Variants in DNMT1 observed in about 807,000 individuals in gnomAD.
DNMT1 encodes the protein DNA (cytosine-5)-methyltransferase 1.
In DNMT1, 24 loss-of-function variants were observed where a neutral mutation model predicts 205.3. The observed-to-expected ratio is 0.12, with a 90% CI of 0.08 to 0.16. The LOEUF (loss-of-function observed/expected upper bound fraction) is 0.16. Ranked by LOEUF, DNMT1 falls within the 10% of genes least tolerant of loss-of-function variation. The pLI is 1.00. For missense variants in DNMT1, 1,293 were observed against 2,177.7 expected, an observed-to-expected ratio of 0.59 and a Z score of 8.09; for synonymous variants, 817 against 839.8, an observed-to-expected ratio of 0.97 and a Z score of 0.47.
chr19:10,155,174 CA>C, intron 19 of DNMT1, 118 bp from the exon 20 acceptor site: 1 of 1,362,216 alleles, frequency 7.3e-7, no homozygotes, highest in South Asian at 1.3e-5. Flanking sequence ...ATCCCGTACC[CA>C]AATGTCAGAA....
chr19:10,163,048 T>C (rs1317604749), intron 12 of DNMT1: 19 of 507,688 alleles, frequency 3.7e-5, no homozygotes, highest in Non-Finnish European at 6.3e-5. Flanking sequence ...CACTGCAACC[T>C]CCACCTCCTG....
chr19:10,147,884 C>T (rs746162219), intron 27 of DNMT1, among the ~76,000 whole-genome samples: 10 of 151,714 alleles, frequency 6.6e-5, no homozygotes, highest in Admixed American at 1.3e-4. Flanking sequence ...GAAGCCGAAG[C>T]GGGTAGATCA....
In DNMT1 at chr19:10,175,112, CACACACACACACACACAT is replaced by C. The variant is rs1330850088; in HGVS notation, c.648+410_648+427del. Among the ~76,000 whole-genome samples, 13 of 138,226 alleles carry C rather than the reference CACACACACACACACACAT, an allele frequency of 9.4e-5. No homozygotes were observed. The East Asian group carries it at 9.6e-4, about 10-fold the overall frequency. 90.7% of individuals were successfully genotyped at this position (138,226 alleles called of 152,430 possible). A position where few individuals can be genotyped will look rare whatever the true frequency, so the allele number is the denominator to read the frequency against. ...ACACACACACACACACACACACACA[CACACACACACACACACAT>C]ATATATAACATGTATGTATGTAAGA... is the stretch of plus-strand genomic sequence containing the variant. On this transcript the variant is annotated intron_variant, in intron 7 of 40. Transcript: ENST00000359526.
chr19:10,141,067 G>C (rs1201072514), intron 31 of DNMT1, 38 bp downstream of exon 31: 1 of 1,612,330 alleles, frequency 6.2e-7, no homozygotes, highest in African/African-American at 1.3e-5. Flanking sequence ...CCAAGTTACA[G>C]AAGAATAACT....
At chr19:10,168,858 G>A (rs2038746173) in intron 9 of DNMT1, among the ~76,000 whole-genome samples, 1 of 152,168 alleles carries the variant, frequency 6.6e-6, no homozygotes, top group Non-Finnish European at 1.5e-5. Flanking sequence ...TTATTTATGA[G>A]ACGGAGTCTC....
intron 7 of DNMT1, among the ~76,000 whole-genome samples, chr19:10,175,241 T>C (rs2038917030): frequency 1.3e-5 from 2 of 151,960 alleles, no homozygotes; most frequent in South Asian, 4.2e-4. Flanking sequence ...GCTTTCACAA[T>C]CTTGTGAGCC....
chr19:10,135,229 A>AG (rs1555687354), intron 39 of DNMT1, among the ~76,000 whole-genome samples: 49 of 150,452 alleles, frequency 3.3e-4, no homozygotes, highest in Middle Eastern at 3.4e-3. Context: ...AAAAAAAAAA[A>AG]AGAGAGAGTG....
Position 10,180,205 on chromosome 19 carries a change from G to T in DNMT1, c.475C>A (p.Gln159Lys). The change falls in exon 5 of 41, where the codon CAA becomes AAA. Residue 159 changes from glutamine (Q) to lysine (K), a missense_variant. Gln to Lys is a moderately conservative substitution (Grantham distance 53). This residue lies in a region of DNMT1 where 394 missense variants were observed against 451.6 expected (regional missense o/e 0.87). Transcript: ENST00000359526. ...CACATACCTCTAATCCCAGTTACTT[G>T]GGAGGCTGAGGCAGGAGGGTCTCTT... ...RSRDPPASAS[Q>K]VTGIRAEPSP... 1.1e-6 allele frequency: 1 copy of T among 947,574 alleles called. No individual in the cohort carries two copies. The highest frequency in any genetic ancestry group is 1.6e-6 in the Non-Finnish European group (1 of 614,324). The allele number at this position is 947,574 out of a possible 1,614,324, so 58.7% of individuals were successfully genotyped here.
At position 10,138,057 on chromosome 19, in the gene DNMT1, T is replaced by A. The variant is rs1235129903; in HGVS notation, c.4116-48A>T. The A allele has an allele frequency of 1.9e-6, 3 of 1,577,500 alleles. No homozygotes were observed. The highest frequency in any genetic ancestry group is 2.6e-6 in the Non-Finnish European group (3 of 1,161,530). On this transcript the variant is annotated intron_variant, in intron 35 of 40. Coordinates refer to ENST00000359526, the MANE Select transcript of DNMT1 (RefSeq NM_001130823.3). The surrounding 1 kb of genome is among the most constrained non-coding windows in gnomAD (Gnocchi z 4.1). Reference sequence around the variant, plus strand: ...CACCTCTGGAGATGCACGCAGCAGCTGTCCCCTCATCACAGGTGCCACCCC... The same window carrying A: ...CACCTCTGGAGATGCACGCAGCAGCAGTCCCCTCATCACAGGTGCCACCCC...
chr19:10,141,058 C>T, intron 31 of DNMT1, 47 bp downstream of exon 31: 1 of 1,613,398 alleles, frequency 6.2e-7, no homozygotes, highest in Non-Finnish European at 8.5e-7. Flanking sequence ...AGGCAGCCTC[C>T]AAGTTACAGA....
rs1227477508 is a variant in DNMT1, at chr19:10,137,808, G to A, written c.4293+24C>T. The A allele has an allele frequency of 1.9e-6, 3 of 1,609,186 alleles. No homozygotes were observed. Among genetic ancestry groups the A allele is most frequent in the East Asian group, 4.5e-5 (2 of 44,758 alleles). ...CTGCTGGGCTGGGCCTCGAGGAGGA[G>A]CCGCTCTGTCAGGGTGCCATTACCT... On this transcript the variant is annotated intron_variant, in intron 36 of 40. Coordinates refer to ENST00000359526, the MANE Select transcript of DNMT1 (RefSeq NM_001130823.3). This position sits in a 1 kb window ranked among gnomAD's most constrained non-coding sequence, Gnocchi z 6.4.
chr19:10,191,067 C>T (rs977876789), intron 1 of DNMT1, among the ~76,000 whole-genome samples: 2 of 150,926 alleles, frequency 1.3e-5, no homozygotes, highest in Non-Finnish European at 3.0e-5. Context: ...GAGCCGAGAT[C>T]ACGGCCACTG....
intron 17 of DNMT1, among the ~76,000 whole-genome samples, chr19:10,158,399 GCCCTCCCAGTGGGTA>G (rs986647643): frequency 6.6e-6 from 1 of 152,218 alleles, no homozygotes; most frequent in Non-Finnish European, 1.5e-5. Context: ...ACGTGTGGGT[GCCCTCCCAGTGGGTA>G]CAGGAACCGC....
At chr19:10,148,820 CG>C in intron 27 of DNMT1, 63 bp downstream of exon 27, 1 of 1,612,068 alleles carries the variant, frequency 6.2e-7, no homozygotes, top group Non-Finnish European at 8.5e-7. Flanking sequence ...CGGAAGCACA[CG>C]GGAAAAGGGA....
intron 17 of DNMT1, among the ~76,000 whole-genome samples, chr19:10,157,979 G>C (rs922713713): frequency 1.3e-5 from 2 of 152,230 alleles, no homozygotes; most frequent in Non-Finnish European, 2.9e-5. Flanking sequence ...GCCAAGTACA[G>C]CAGTATGGAG....
At chr19:10,171,947 C>T (rs898787656) in intron 9 of DNMT1, among the ~76,000 whole-genome samples, 10 of 150,802 alleles carry the variant, frequency 6.6e-5, no homozygotes, top group African/African-American at 2.4e-4. Context: ...GCGGAGGTTG[C>T]AATGAGCCAA....
At chr19:10,182,442 C>CATATATATGTGT (rs2039076479) in intron 1 of DNMT1, among the ~76,000 whole-genome samples, 1 of 120,624 alleles carries the variant, frequency 8.3e-6, no homozygotes, top group African/African-American at 3.2e-5. Context: ...TATATATATA[C>CATATATATGTGT]ATATATATGT....
Position 10,159,832 on chromosome 19 carries a change from C to G in DNMT1, c.1170+10G>C, listed in dbSNP as rs778720308. 38 of 1,614,108 alleles carry G rather than the reference C, an allele frequency of 2.4e-5. No homozygotes were observed. Among genetic ancestry groups the G allele is most frequent in the Non-Finnish European group, 3.1e-5 (37 of 1,180,054 alleles). ...AGGCAGAGGAAGGCTGGGAAGAGAG[C>G]TGTACGTACCGCGTCTGGTGGGTGC... On this transcript the variant is annotated intron_variant, in intron 16 of 40. Coordinates refer to ENST00000359526, the MANE Select transcript of DNMT1 (RefSeq NM_001130823.3). This position sits in a 1 kb window ranked among gnomAD's most constrained non-coding sequence, Gnocchi z 5.0.
At position 10,135,836 on chromosome 19, in the gene DNMT1, G is replaced by T; in HGVS notation, c.4673C>A (p.Pro1558Gln). 6.4e-7 allele frequency: 1 copy of T among 1,559,738 alleles called. No individual in the cohort carries two copies. The highest frequency in any genetic ancestry group is 2.4e-5 in the East Asian group (1 of 42,002). ...PMGKQGRVLHPEQHRVVSVRE... is the reference protein window; with the variant it reads ...PMGKQGRVLHQEQHRVVSVRE... ...CACGCTCACCACACGGTGCTGCTCT[G>T]GGTGGAGCACGCGGCCCTGGGGGAA... Residue 1558 changes from proline to glutamine, a missense_variant, in exon 39 of 41, where the codon CCA becomes CAA. By Grantham distance (76) the Pro-to-Gln change is moderately conservative (BLOSUM62 -1). Transcript: ENST00000359526.
Sources: allele counts gnomAD v4.1 joint callset (sites outside exome capture counted in the v4.1 genomes callset), GRCh38; gene constraint gnomAD v4.1.1; regional missense constraint gnomAD v4.1.1; non-coding constraint Gnocchi (gnomAD v3.1); transcripts MANE v1.5; gene names NCBI Gene and HGNC (gene_info 2026-07-23, HGNC 2026-07-21).